The following SARDH variants were observed in gnomAD, a reference collection of about 807,000 sequenced individuals.
The protein encoded by SARDH is sarcosine dehydrogenase, mitochondrial.
In SARDH, 95 loss-of-function variants were observed where a neutral mutation model predicts 109.1. The observed-to-expected ratio is 0.87, with a 90% confidence interval of 0.74 to 1.03. The LOEUF is 1.03. Among genes scored for constraint, SARDH ranks in the 50% least tolerant of loss-of-function variants. The probability of loss-of-function intolerance (pLI) is 0.00; values close to 1 mark genes in which losing one functional copy is unlikely to be tolerated. For synonymous variants in SARDH, 572 were observed against 534.8 expected (o/e 1.07, Z -0.96); for missense variants, 1,267 against 1,287.8 (o/e 0.98, Z 0.25).
At chr9:133,670,809 G>T in intron 18 of SARDH, 57 bp from the exon 19 acceptor site, 1 of 1,486,682 alleles carries the variant, frequency 6.7e-7, no homozygotes, top group Non-Finnish European at 8.9e-7. Flanking sequence ...AGCCCTTCAG[G>T]AGATGCATGA....
At chr9:133,711,755 G>A (rs2131444923) in intron 10 of SARDH, among the ~76,000 whole-genome samples, 1 of 152,340 alleles carries the variant, frequency 6.6e-6, no homozygotes, top group East Asian at 1.9e-4. Context: ...ACCAGCAGCA[G>A]CAGCCGGGAG....
chr9:133,670,771 T>C lies in SARDH; in HGVS notation c.2327-19A>G, dbSNP rs766304135. On this transcript the variant is annotated intron_variant, in intron 18 of 20. Transcript: ENST00000439388. ...CGGTAGCCTGTGGGAAGGGAATCCA[T>C]GGGGTCGGTGCCACCCTGAGGGGGA... The C allele has an allele frequency of 1.9e-6, 3 of 1,552,856 alleles. No homozygotes were observed. Among genetic ancestry groups the C allele is most frequent in the Non-Finnish European group, 1.7e-6 (2 of 1,151,610 alleles).
Position 133,690,516 on chromosome 9 carries a change from A to C in SARDH, c.1933T>G (p.Tyr645Asp), listed in dbSNP as rs746119901. The C allele has an allele frequency of 1.2e-6, 2 of 1,601,728 alleles. No homozygotes were observed. Among genetic ancestry groups the C allele is most frequent in the South Asian group, 2.2e-5 (2 of 91,014 alleles). Residue 645 changes from tyrosine to aspartate, a missense_variant, in exon 16 of 21, where the codon TAC (tyrosine) becomes GAC (aspartate). Physicochemically the swap from Tyr to Asp is radical, Grantham distance 160 (BLOSUM62 -3). Coordinates refer to ENST00000439388, the MANE Select transcript of SARDH (RefSeq NM_001134707.2). ...LAPAFEGDGY[Y>D]LAMGGAVAQH... Reference sequence around the variant, plus strand: ...GCCACGGCCCCGCCCATGGCCAGGTAGTAACCGTCCCCTGGAAGAGAGGCA... The same window carrying C: ...GCCACGGCCCCGCCCATGGCCAGGTCGTAACCGTCCCCTGGAAGAGAGGCA...
chr9:133,717,107 G>T (rs1164157837), intron 8 of SARDH, among the ~76,000 whole-genome samples: 1 of 152,180 alleles, frequency 6.6e-6, no homozygotes, highest in Non-Finnish European at 1.5e-5. Context: ...CGTGCTTGGG[G>T]CAGATGATGG....
chr9:133,705,201 C>G (rs1288604639), intron 11 of SARDH, among the ~76,000 whole-genome samples, 170 bp from the exon 12 acceptor site: 3 of 152,138 alleles, frequency 2.0e-5, no homozygotes, highest in Non-Finnish European at 4.4e-5. Flanking sequence ...CTGCCTCACC[C>G]TGAGAACCCC....
At chr9:133,695,512 G>A (rs952732360) in intron 14 of SARDH, among the ~76,000 whole-genome samples, 3 of 152,174 alleles carry the variant, frequency 2.0e-5, no homozygotes, top group East Asian at 3.9e-4. Context: ...CTGCAGTGAC[G>A]CAGCTGCATG....
chr9:133,683,286 G>C (rs1013871217), intron 17 of SARDH, among the ~76,000 whole-genome samples: 3 of 152,158 alleles, frequency 2.0e-5, no homozygotes, highest in Non-Finnish European at 2.9e-5. Context: ...GTGGCCGTGC[G>C]GGTGGGGGCA....
downstream of SARDH, among the ~76,000 whole-genome samples, chr9:133,660,046 C>A (rs188638478): frequency 6.6e-6 from 1 of 151,964 alleles, no homozygotes; most frequent in South Asian, 2.1e-4. Context: ...CCTGCCACAG[C>A]GACAACCCCA....
chr9:133,721,914 G>A (rs1435812512), intron 6 of SARDH, among the ~76,000 whole-genome samples: 7 of 152,004 alleles, frequency 4.6e-5, no homozygotes, highest in African/African-American at 7.3e-5. Context: ...TCAGGAGTTC[G>A]AGACCAGCCT....
chr9:133,662,860 G>T (rs576242016), downstream of SARDH, among the ~76,000 whole-genome samples: 1 of 152,226 alleles, frequency 6.6e-6, no homozygotes, highest in Non-Finnish European at 1.5e-5. This position sits in a 1 kb window ranked among gnomAD's most constrained non-coding sequence, Gnocchi z 5.1. Context: ...GGCTCGGGGG[G>T]ACAAGGGAGG....
At chr9:133,660,874 T>C (rs1018779118), downstream of SARDH, among the ~76,000 whole-genome samples, 2 of 152,246 alleles carry the variant, frequency 1.3e-5, no homozygotes, top group Admixed American at 1.3e-4. Flanking sequence ...GCTGCTAGCC[T>C]CATGTGGCTA....
At chr9:133,713,654 C>T (rs1195167130) in intron 8 of SARDH, among the ~76,000 whole-genome samples, 1 of 152,250 alleles carries the variant, frequency 6.6e-6, no homozygotes, top group Non-Finnish European at 1.5e-5. Flanking sequence ...AGACCAATGT[C>T]CCACTCCGGC....
intron 13 of SARDH, among the ~76,000 whole-genome samples, chr9:133,701,969 G>A (rs982557250): frequency 6.6e-6 from 1 of 152,200 alleles, no homozygotes; most frequent in Non-Finnish European, 1.5e-5. Flanking sequence ...ACGGACGACC[G>A]CAGGGTCAGA....
At position 133,663,567 on chromosome 9, in the gene SARDH, G is replaced by A. The variant is rs1044983996; in HGVS notation, c.*322C>T. ...AGCCTATTTGCTTCGCTGTTTTCAC[G>A]TGGGGCTTATCAAGTATTTACTAAG... On this transcript the variant is annotated 3_prime_UTR_variant, in exon 21 of 21. Transcript: ENST00000439388. 8 of 335,310 alleles carry A rather than the reference G, an allele frequency of 2.4e-5. No homozygotes were observed. The highest frequency in any genetic ancestry group is 9.3e-5 in the Admixed American group (2 of 21,576). 20.8% of individuals were successfully genotyped at this position (335,310 alleles called of 1,614,324 possible). A position where few individuals can be genotyped will look rare whatever the true frequency, so the allele number is the denominator to read the frequency against.
downstream of SARDH, among the ~76,000 whole-genome samples, chr9:133,660,011 TTGGGAATCCTAGCCAGCTCTGGAACC>T: frequency 6.6e-6 from 1 of 151,980 alleles, no homozygotes; most frequent in Admixed American, 6.5e-5. Flanking sequence ...GCGGCAGTGA[TTGGGAATCCTAGCCAGCTCTGGAACC>T]TGCCACAGCG....
intron 1 of SARDH, among the ~76,000 whole-genome samples, chr9:133,735,251 G>A (rs2131521386): frequency 6.6e-6 from 1 of 152,298 alleles, no homozygotes; most frequent in South Asian, 2.1e-4. Flanking sequence ...GATGAAGGAT[G>A]TGGTGTCCCG....
chr9:133,662,436 C>T (rs1386304103), downstream of SARDH, among the ~76,000 whole-genome samples: 1 of 152,170 alleles, frequency 6.6e-6, no homozygotes, highest in Non-Finnish European at 1.5e-5. The surrounding 1 kb of genome is among the most constrained non-coding windows in gnomAD (Gnocchi z 5.1). Flanking sequence ...CCCCTGGCTC[C>T]CACAAAGCTG....
At chr9:133,696,172 G>T in intron 14 of SARDH, 51 bp downstream of exon 14, 7 of 1,605,998 alleles carry the variant, frequency 4.4e-6, no homozygotes, top group Non-Finnish European at 5.9e-6. Flanking sequence ...AGTGCCTGAG[G>T]CTGTGCCCAT....
Position 133,664,467 on chromosome 9 carries a change from C to T in SARDH, c.2632-453G>A, listed in dbSNP as rs1353575717. Among the ~76,000 whole-genome samples the T allele has an allele frequency of 2.6e-5, 4 of 152,328 alleles. No individual in the cohort carries two copies. In the East Asian group the frequency reaches 7.8e-4, roughly 30 times the overall value. ...GCCTCTGCATGCTCCCCATCCCACA[C>T]CCTGGCTCGGGCTCCCCAGCAAGCG... On this transcript the variant is annotated intron_variant, in intron 20 of 20. Transcript: ENST00000439388.
Sources: allele counts gnomAD v4.1 joint callset (sites outside exome capture counted in the v4.1 genomes callset), GRCh38; gene constraint gnomAD v4.1.1; non-coding constraint Gnocchi (gnomAD v3.1); transcripts MANE v1.5; gene names NCBI Gene and HGNC (gene_info 2026-07-23, HGNC 2026-07-21).